MALRD1: variants seen among roughly 807,000 people sequenced by gnomAD.
MALRD1 encodes the protein MAM and LDL-receptor class A domain-containing protein 1.
In MALRD1, 247 loss-of-function variants were observed where a neutral mutation model predicts 242.1. The observed-to-expected ratio is 1.02, with a 90% CI of 0.92 to 1.13. MALRD1 has a LOEUF of 1.13. Ranked by LOEUF, MALRD1 falls within the 50% of genes most tolerant of loss-of-function variation. The pLI is 0.00. For missense variants in MALRD1, 2,989 were observed against 2,533.1 expected, an observed-to-expected ratio of 1.18 and a Z score of -3.86; for synonymous variants, 995 against 866.6, an observed-to-expected ratio of 1.15 and a Z score of -2.60.
chr10:19,324,106 GTACTGC>G lies in MALRD1; in HGVS notation c.3576+3_3576+8del. On this transcript the variant is annotated splice_donor_variant and splice_donor_5th_base_variant and intron_variant, in intron 22 of 39. Transcript: ENST00000454679. LOFTEE classifies it high-confidence loss of function. ...TGGGGCCACCGTTGGTTCTCTCCAG[GTACTGC>G]TTAGGCAATCACATTTTCTGAATTT... The G allele has an allele frequency of 6.5e-7, 1 of 1,549,806 alleles. No homozygotes were observed. Among genetic ancestry groups the G allele is most frequent in the East Asian group, 2.4e-5 (1 of 40,878 alleles).
chr10:19,345,778 CT>C (rs1844092317), intron 24 of MALRD1, among the ~76,000 whole-genome samples: 4 of 146,002 alleles, frequency 2.7e-5, no homozygotes, highest in Non-Finnish European at 1.5e-5. Context: ...TTTTTTAGTT[CT>C]TTCAACAGCT....
intron 35 of MALRD1, among the ~76,000 whole-genome samples, chr10:19,615,516 C>CAAA (rs530920512): frequency 0.023 from 869 of 37,190 alleles, 34 homozygotes; most frequent in East Asian, 0.06. Flanking sequence ...GACCCTGCCT[C>CAAA]AAAAAAAAAA....
At chr10:19,161,549 G>GAAAAAAAAAAA (rs1491548638) in intron 12 of MALRD1, among the ~76,000 whole-genome samples, 12 of 11,502 alleles carry the variant, frequency 1.0e-3, no homozygotes, top group East Asian at 4.5e-3. Flanking sequence ...GAAAAAAAAA[G>GAAAAAAAAAAA]CAAAAAAAAA....
intron 1 of MALRD1, chr10:19,052,091 A>T: frequency 2.3e-6 from 1 of 443,142 alleles, no homozygotes; most frequent in South Asian, 1.8e-5. Flanking sequence ...GAGCCATGTC[A>T]GGGCTAGCAA....
intron 7 of MALRD1, among the ~76,000 whole-genome samples, chr10:19,125,321 C>CTTT (rs1564407931): frequency 0.026 from 2,009 of 76,152 alleles, 31 homozygotes; most frequent in Non-Finnish European, 0.033. Context: ...TTCCTTCCTT[C>CTTT]CTTCTTTCTT....
chr10:19,711,811 G>A (rs906076735), intron 38 of MALRD1, among the ~76,000 whole-genome samples: 1 of 152,192 alleles, frequency 6.6e-6, no homozygotes, highest in African/African-American at 2.4e-5. Context: ...TTTTAATGGG[G>A]TTCTGTAGCC....
intron 38 of MALRD1, among the ~76,000 whole-genome samples, chr10:19,729,682 T>A (rs1390473001): frequency 6.7e-6 from 1 of 148,562 alleles, no homozygotes; most frequent in Admixed American, 6.8e-5. Flanking sequence ...TGTCACCAAG[T>A]AGTCCAGGGC....
At chr10:19,384,406 T>C (rs1299694701) in intron 26 of MALRD1, among the ~76,000 whole-genome samples, 7 of 70,218 alleles carry the variant, frequency 1.0e-4, no homozygotes, top group African/African-American at 4.0e-4. Context: ...TATTATATAG[T>C]ATATATAATA....
At chr10:19,238,374 A>G (rs182004407) in intron 18 of MALRD1, among the ~76,000 whole-genome samples, 17 of 80,990 alleles carry the variant, frequency 2.1e-4, no homozygotes, top group African/African-American at 7.2e-4. Context: ...AATATATATT[A>G]TACATAATAT....
chr10:19,338,792 A>G (rs953494089), intron 24 of MALRD1, among the ~76,000 whole-genome samples: 1 of 146,682 alleles, frequency 6.8e-6, no homozygotes, highest in Admixed American at 6.7e-5. Context: ...TAAAACTAAG[A>G]TATTATTGAT....
intron 29 of MALRD1, among the ~76,000 whole-genome samples, chr10:19,477,644 G>A (rs942094423): frequency 2.6e-5 from 4 of 152,114 alleles, no homozygotes; most frequent in Non-Finnish European, 4.4e-5. Context: ...GGAGAAAAAA[G>A]AATAGCGCTC....
chr10:19,299,162 T>A (rs1841835713), intron 21 of MALRD1, among the ~76,000 whole-genome samples: 1 of 151,930 alleles, frequency 6.6e-6, no homozygotes, highest in Admixed American at 6.6e-5. Context: ...ATAGGCTATA[T>A]GAAATAATAT....
intron 31 of MALRD1, among the ~76,000 whole-genome samples, chr10:19,499,482 G>A (rs183717110): frequency 9.1e-4 from 138 of 151,522 alleles, no homozygotes; most frequent in African/African-American, 3.3e-3. Context: ...GCAGCAAGAA[G>A]GATCCCCAAG....
chr10:19,267,614 C>T (rs990059607), intron 19 of MALRD1, among the ~76,000 whole-genome samples: 16 of 152,082 alleles, frequency 1.1e-4, no homozygotes, highest in Admixed American at 7.9e-4. Context: ...ATTGGCTTTA[C>T]TTTTAAGATA....
intron 7 of MALRD1, among the ~76,000 whole-genome samples, chr10:19,127,423 G>A (rs1023497000): frequency 1.2e-4 from 19 of 152,064 alleles, no homozygotes; most frequent in African/African-American, 4.6e-4. Flanking sequence ...AAATATCTGA[G>A]GCTAAAATTT....
intron 18 of MALRD1, among the ~76,000 whole-genome samples, chr10:19,233,709 T>C (rs927092573): frequency 6.6e-6 from 1 of 152,132 alleles, no homozygotes; most frequent in Non-Finnish European, 1.5e-5. Flanking sequence ...CATAGCATAA[T>C]GTAATGAAAA....
intron 31 of MALRD1, among the ~76,000 whole-genome samples, chr10:19,511,707 G>A (rs1407887288): frequency 6.6e-6 from 1 of 152,190 alleles, no homozygotes; most frequent in African/African-American, 2.4e-5. Flanking sequence ...GGGTGAACTA[G>A]AGGATCTCTA....
intron 32 of MALRD1, among the ~76,000 whole-genome samples, chr10:19,559,878 CAT>C (rs1835888597): frequency 6.6e-6 from 1 of 152,074 alleles, no homozygotes; most frequent in African/African-American, 2.4e-5. Context: ...GGCCAACAAA[CAT>C]ATGAAAAAAA....
intron 29 of MALRD1, among the ~76,000 whole-genome samples, chr10:19,457,008 A>G (rs1835695369): frequency 6.6e-6 from 1 of 152,106 alleles, no homozygotes; most frequent in East Asian, 1.9e-4. Flanking sequence ...AAAAGTTACT[A>G]TATGCCAAGT....
Sources: gnomAD v4.1 joint callset for allele counts (sites outside exome capture counted in the v4.1 genomes callset) on GRCh38, gnomAD v4.1.1 for gene constraint, MANE v1.5 for transcripts, NCBI Gene and HGNC (gene_info 2026-07-23, HGNC 2026-07-21) for gene names.